Variants in PLXNB1 observed in about 807,000 individuals in gnomAD.
PLXNB1 encodes the protein plexin B1, also known as plexin-B1.
PLXNB1 carries 106 observed loss-of-function variants against 209.4 expected under a neutral mutation model. The observed-to-expected ratio is 0.51, with a 90% CI of 0.43 to 0.59. PLXNB1 has a LOEUF of 0.59. PLXNB1 is among the 20% of genes least tolerant of loss of function. The probability of loss-of-function intolerance (pLI) is 0.00; values close to 1 mark genes in which losing one functional copy is unlikely to be tolerated. For missense variants in PLXNB1, 2,357 were observed against 2,853.2 expected (o/e 0.83, Z 3.96); for synonymous variants, 1,167 against 1,183.2 (o/e 0.99, Z 0.28).
In PLXNB1 at chr3:48,415,920, T is replaced by C; in HGVS notation, c.3617+111A>G. 7.2e-7 allele frequency: 1 copy of C among 1,396,302 alleles called. No individual in the cohort carries two copies. Among genetic ancestry groups the C allele is most frequent in the South Asian group, 1.4e-5 (1 of 73,370 alleles). The allele number at this position is 1,396,302 out of a possible 1,614,324, so 86.5% of individuals were successfully genotyped here. The stretch of plus-strand genomic sequence containing the variant: ...GGCTAGGGAGGGTCTGGCCACTCTC[T>C]GAAGGAGCAGACTGGCCCTCTTCCC... On this transcript the variant is annotated intron_variant, in intron 18 of 37. Coordinates refer to ENST00000296440, the MANE Select transcript of PLXNB1 (RefSeq NM_001130082.3). This position sits in a 1 kb window ranked among gnomAD's most constrained non-coding sequence, Gnocchi z 5.0.
At position 48,410,239 on chromosome 3, in the gene PLXNB1, C is replaced by A. The variant is rs751562831; in HGVS notation, c.5605+57G>T. 2.3e-5 allele frequency: 35 copies of A among 1,503,496 alleles called. No individual in the cohort carries two copies. The highest frequency in any genetic ancestry group is 2.7e-5 in the Non-Finnish European group (30 of 1,103,626). 93.1% of individuals were successfully genotyped at this position (1,503,496 alleles called of 1,614,324 possible). A position where few individuals can be genotyped will look rare whatever the true frequency, so the allele number is the denominator to read the frequency against. On this transcript the variant is annotated intron_variant, in intron 31 of 37. Coordinates refer to ENST00000296440, the MANE Select transcript of PLXNB1 (RefSeq NM_001130082.3). The surrounding 1 kb of genome is among the most constrained non-coding windows in gnomAD (Gnocchi z 6.4). ...GCCCTGAGGCCCAGAGGACCTTCCC[C>A]ATGACTCCGGGCTGGGCACAGCAGG...
Position 48,404,170 on chromosome 3 carries a change from T to TA in PLXNB1, c.*315dup, listed in dbSNP as rs2037172826. On this transcript the variant is annotated 3_prime_UTR_variant, in exon 38 of 38. Transcript: ENST00000296440. The stretch of plus-strand genomic sequence containing the variant: ...GGCCAAGGCCAGTGTTCAGGAACAG[T>TA]ACAGTCTCCCCAGGGGCCTGGAGTC... 3.1e-6 allele frequency: 1 copy of TA among 325,328 alleles called. No individual in the cohort carries two copies. Among genetic ancestry groups the TA allele is most frequent in the East Asian group, 5.8e-5 (1 of 17,100 alleles). The allele number at this position is 325,328 out of a possible 1,614,324, so 20.2% of individuals were successfully genotyped here.
intron 21 of PLXNB1, among the ~76,000 whole-genome samples, chr3:48,414,436 G>C (rs1024875498): frequency 1.3e-5 from 2 of 152,180 alleles, no homozygotes; most frequent in African/African-American, 4.8e-5. Context: ...CACTGTGTAT[G>C]TCCAAGACAC....
Position 48,411,343 on chromosome 3 carries a change from G to A in PLXNB1, c.5248-307C>T, listed in dbSNP as rs149910550. 6.6e-5 allele frequency among the ~76,000 whole-genome samples: 10 copies of A among 152,308 alleles called. No homozygotes were observed. In the East Asian group the frequency reaches 1.7e-3, roughly 26 times the overall value. On this transcript the variant is annotated intron_variant, in intron 28 of 37. Coordinates refer to ENST00000296440, the MANE Select transcript of PLXNB1 (RefSeq NM_001130082.3). The surrounding 1 kb of genome is among the most constrained non-coding windows in gnomAD (Gnocchi z 4.0). ...TCCTGGCTGAATGGGTCAGGCTGAC[G>A]GAGTTTCGGGAAGCCTGCATTCCCA... is the stretch of plus-strand genomic sequence containing the variant.
rs1171341592 is a variant in PLXNB1 at position 48,423,521 on chromosome 3, C to G, written c.1091G>C (p.Cys364Ser). 6.2e-7 allele frequency: 1 copy of G among 1,613,278 alleles called. No individual in the cohort carries two copies. The highest frequency in any genetic ancestry group is 1.7e-5 in the Admixed American group (1 of 60,010). ...AYIEYDVNSD[C>S]AQLPVDTLDA... ...GGAACTCACCACTGGCAGCTGTGCA[C>G]AGTCAGAATTGACATCATACTCGAT... Residue 364 changes from cysteine (C) to serine (S), a missense_variant, in exon 3 of 38, where the codon TGT (cysteine) becomes TCT (serine). Transcript: ENST00000296440.
In PLXNB1 at chr3:48,429,826, C is replaced by T. The variant is rs575809192; in HGVS notation, c.-60+182G>A. Among the ~76,000 whole-genome samples the T allele has an allele frequency of 3.9e-5, 6 of 152,170 alleles. No homozygotes were observed. The South Asian group carries it at 1.0e-3, about 26-fold the overall frequency. ...AGCCGAGGCGGGGGGTCGCGCTCCGCACCCGCAGGTGCTGGTGGAACAGCG... is the reference window on the plus strand; with the variant it reads ...AGCCGAGGCGGGGGGTCGCGCTCCGTACCCGCAGGTGCTGGTGGAACAGCG... On this transcript the variant is annotated intron_variant, in intron 1 of 37. Coordinates refer to ENST00000296440, the MANE Select transcript of PLXNB1 (RefSeq NM_001130082.3). This position sits in a 1 kb window ranked among gnomAD's most constrained non-coding sequence, Gnocchi z 6.4.
At position 48,410,105 on chromosome 3, in the gene PLXNB1, C is replaced by A; in HGVS notation, c.5606-28G>T. 6.5e-7 allele frequency: 1 copy of A among 1,550,176 alleles called. No individual in the cohort carries two copies. The highest frequency in any genetic ancestry group is 8.7e-7 in the Non-Finnish European group (1 of 1,144,162). On this transcript the variant is annotated intron_variant, in intron 31 of 37. Transcript: ENST00000296440. The surrounding 1 kb of genome is among the most constrained non-coding windows in gnomAD (Gnocchi z 6.4). ...GTGCCAAGAGCCCACAGCTGTCACCCCTCCCCAGGTGCCACCTCCCCAGGC... is the reference window on the plus strand; with the variant it reads ...GTGCCAAGAGCCCACAGCTGTCACCACTCCCCAGGTGCCACCTCCCCAGGC...
At position 48,414,992 on chromosome 3, in the gene PLXNB1, G is replaced by T; in HGVS notation, c.4016C>A (p.Thr1339Lys). 1 of 1,613,702 alleles carries T rather than the reference G, an allele frequency of 6.2e-7. No individual in the cohort carries two copies. The highest frequency in any genetic ancestry group is 8.5e-7 in the Non-Finnish European group (1 of 1,180,030). ...CTCAGGCAGGCCTGGGAGGGCAGGT[G>T]TGCGGCACGTGATGAGCTGGGAGGA... The part of the protein sequence containing the change: ...VNSSQLITCR[T>K]PALPGLPEDP... Residue 1339 changes from threonine to lysine, a missense_variant, in exon 21 of 38, where the codon ACA becomes AAA. By Grantham distance (78) the Thr-to-Lys change is moderately conservative (BLOSUM62 -1). Around this residue, in one of 7 missense-constraint regions of PLXNB1, gnomAD observed 743 missense variants for 896.2 expected, o/e 0.83. Transcript: ENST00000296440.
rs2038016724 is a variant in PLXNB1, at chr3:48,415,399, C to T, written c.3795-52G>A. 3.2e-6 allele frequency: 5 copies of T among 1,575,742 alleles called. No individual in the cohort carries two copies. The highest frequency in any genetic ancestry group is 2.3e-5 in the East Asian group (1 of 43,668). Reference sequence around the variant, plus strand: ...CGTAAGATGGCTTATGTTACCTGGACCTAAAGCACAGCCCAGTCCCGGCTA... The same window carrying T: ...CGTAAGATGGCTTATGTTACCTGGATCTAAAGCACAGCCCAGTCCCGGCTA... On this transcript the variant is annotated intron_variant, in intron 19 of 37. Coordinates refer to ENST00000296440, the MANE Select transcript of PLXNB1 (RefSeq NM_001130082.3). The surrounding 1 kb of genome is among the most constrained non-coding windows in gnomAD (Gnocchi z 5.0).
intron 26 of PLXNB1, 32 bp downstream of exon 26, chr3:48,412,410 A>G (rs763815575): frequency 2.2e-5 from 35 of 1,611,918 alleles, no homozygotes; most frequent in Non-Finnish European, 2.8e-5. Flanking sequence ...CCAGCTGTCC[A>G]GGGCCCACCC....
Position 48,411,862 on chromosome 3 carries a change from C to G in PLXNB1, c.5247+1G>C. On this transcript the variant is annotated splice_donor_variant, in intron 28 of 37. Coordinates refer to ENST00000296440, the MANE Select transcript of PLXNB1 (RefSeq NM_001130082.3). LOFTEE classifies it high-confidence loss of function. This position sits in a 1 kb window ranked among gnomAD's most constrained non-coding sequence, Gnocchi z 4.0. ...CAGGCCACACACTTGCACACCCTCACCAGGGGACGGTACTCCACATCCTCT... is the reference window on the plus strand; with the variant it reads ...CAGGCCACACACTTGCACACCCTCAGCAGGGGACGGTACTCCACATCCTCT... 1 of 1,613,778 alleles carries G rather than the reference C, an allele frequency of 6.2e-7. No homozygotes were observed.
In PLXNB1 at chr3:48,409,967, C is replaced by T. The variant is rs746694079; in HGVS notation, c.5716G>A (p.Gly1906Arg). 9.3e-6 allele frequency: 15 copies of T among 1,612,482 alleles called. No individual in the cohort carries two copies. The highest frequency in any genetic ancestry group is 5.3e-5 in the African/African-American group (4 of 74,920). Residue 1906 changes from glycine to arginine, a missense_variant, in exon 32 of 38, where the codon GGG (glycine) becomes AGG (arginine). By Grantham distance (125) the Gly-to-Arg change is moderately radical (BLOSUM62 -2). Coordinates refer to ENST00000296440, the MANE Select transcript of PLXNB1 (RefSeq NM_001130082.3). This position sits in a 1 kb window ranked among gnomAD's most constrained non-coding sequence, Gnocchi z 5.8. ...ATGGCCTTGGCGCGCTCACGCTCCC[C>T]GCCCCGAAGGCTGCCCCTCCGAGGC... ...PRPRRGSLRGGERERAKAIPE... is the reference protein window; with the variant it reads ...PRPRRGSLRGRERERAKAIPE...
rs767726203 is a variant in PLXNB1, at chr3:48,423,511, C to T, written c.1101G>A (p.Leu367=). ...EYDVNSDCAQ[L]PVDTLDAYPC... ...GGGCAATACTGGAACTCACCACTGGCAGCTGTGCACAGTCAGAATTGACAT... is the reference window on the plus strand; with the variant it reads ...GGGCAATACTGGAACTCACCACTGGTAGCTGTGCACAGTCAGAATTGACAT... The change falls in exon 3 of 38, where the codon CTG becomes CTA. Residue 367 remains leucine (L), a synonymous_variant. Transcript: ENST00000296440. 9.3e-6 allele frequency: 15 copies of T among 1,610,704 alleles called. No homozygotes were observed. In the East Asian group the frequency reaches 2.5e-4, roughly 26 times the overall value.
rs747173154 is a variant in PLXNB1, at chr3:48,414,770, G to A, written c.4209+29C>T. On this transcript the variant is annotated intron_variant, in intron 21 of 37. Coordinates refer to ENST00000296440, the MANE Select transcript of PLXNB1 (RefSeq NM_001130082.3). ...GTCCAGCCAAGGGAAGGGTCTCGGG[G>A]CCCTGCCAGGTCCAAGTAGGAGCTG... The A allele has an allele frequency of 5.6e-6, 9 of 1,605,746 alleles. No homozygotes were observed. In the Admixed American group the frequency reaches 1.0e-4, roughly 18 times the overall value.
Position 48,415,285 on chromosome 3 carries a change from C to A in PLXNB1, c.3857G>T (p.Arg1286Leu). 1 of 1,613,578 alleles carries A rather than the reference C, an allele frequency of 6.2e-7. No individual in the cohort carries two copies. The change falls in exon 20 of 38, where the codon CGG (arginine) becomes CTG (leucine). Residue 1286 changes from arginine (R) to leucine (L), a missense_variant. Around this residue, in one of 7 missense-constraint regions of PLXNB1, gnomAD observed 743 missense variants for 896.2 expected, o/e 0.83. Transcript: ENST00000296440. This position sits in a 1 kb window ranked among gnomAD's most constrained non-coding sequence, Gnocchi z 5.0. ...CAGCATTCTCGAGACCACGGTCACC[C>A]GGATTCTTGGCGTCTGTACCACGTC... ...NLDVVQTPRIRVTVVSRMLQP... is the reference protein window; with the variant it reads ...NLDVVQTPRILVTVVSRMLQP...
chr3:48,418,515 G>A lies in PLXNB1; in HGVS notation c.2983C>T (p.Leu995Phe), dbSNP rs1378707660. The change falls in exon 14 of 38, where the codon CTC becomes TTC. Residue 995 changes from leucine (L) to phenylalanine (F), a missense_variant. Transcript: ENST00000296440. The surrounding 1 kb of genome is among the most constrained non-coding windows in gnomAD (Gnocchi z 6.6). ...QLSYEALQPE[L>F]RVGLFLRRAG... is the part of the protein sequence containing the mutation. ...CGACGCAGAAACAGCCCCACACGGAGCTCCGGCTGCAGAGCCTCATAGCTG... is the reference window on the plus strand; with the variant it reads ...CGACGCAGAAACAGCCCCACACGGAACTCCGGCTGCAGAGCCTCATAGCTG... The A allele has an allele frequency of 6.2e-6, 10 of 1,608,048 alleles. No individual in the cohort carries two copies. The East Asian group carries it at 2.0e-4, about 33-fold the overall frequency.
At chr3:48,408,646 A>T (rs2037460054) in intron 34 of PLXNB1, among the ~76,000 whole-genome samples, 1 of 152,036 alleles carries the variant, frequency 6.6e-6, no homozygotes, top group Admixed American at 6.6e-5. Context: ...TGGCAGGCAG[A>T]CACCTCCACC....
chr3:48,423,876 C>G lies in PLXNB1; in HGVS notation c.736G>C (p.Ala246Pro), dbSNP rs770724371. 1 of 1,614,042 alleles carries G rather than the reference C, an allele frequency of 6.2e-7. No individual in the cohort carries two copies. The highest frequency in any genetic ancestry group is 1.7e-5 in the Admixed American group (1 of 60,034). ...CGGAGACACACTCGAGATACATAGG[C>G]ACGAAAAGCTCTAGACTGAGCCTGC... is the stretch of plus-strand genomic sequence containing the variant. ...DLQAQSRAFR[A>P]YVSRVCLRDQ... is the part of the protein sequence containing the mutation. The change falls in exon 3 of 38, where the codon GCC (alanine) becomes CCC (proline). Residue 246 changes from alanine to proline, a missense_variant. Around this residue, in one of 7 missense-constraint regions of PLXNB1, gnomAD observed 404 missense variants for 443.6 expected, o/e 0.91. Transcript: ENST00000296440.
In PLXNB1 at chr3:48,424,539, G is replaced by A. The variant is rs2038778597; in HGVS notation, c.73C>T (p.Pro25Ser). ...GTGCCATTGGGAGTGAATGCAGTTGGTGGAAGGGGCTGGAGGGTGAGGACC... is the reference window on the plus strand; with the variant it reads ...GTGCCATTGGGAGTGAATGCAGTTGATGGAAGGGGCTGGAGGGTGAGGACC... The part of the protein sequence containing the change: ...GWVLTLQPLP[P>S]TAFTPNGTYL... The change falls in exon 3 of 38, where the codon CCA becomes TCA. Residue 25 changes from proline to serine, a missense_variant. Coordinates refer to ENST00000296440, the MANE Select transcript of PLXNB1 (RefSeq NM_001130082.3). 6.3e-7 allele frequency: 1 copy of A among 1,584,042 alleles called. No individual in the cohort carries two copies. The highest frequency in any genetic ancestry group is 1.3e-5 in the African/African-American group (1 of 74,224).
Sources: gnomAD v4.1 joint callset for allele counts (sites outside exome capture counted in the v4.1 genomes callset) on GRCh38, gnomAD v4.1.1 for gene constraint, gnomAD v4.1.1 regional missense constraint, Gnocchi (gnomAD v3.1) non-coding constraint, MANE v1.5 for transcripts, NCBI Gene and HGNC (gene_info 2026-07-23, HGNC 2026-07-21) for gene names.